The following INTS3 variants were observed in gnomAD, a reference collection of about 807,000 sequenced individuals.
INTS3 encodes the protein SOSS complex subunit A.
INTS3 carries 34 observed loss-of-function variants against 146.3 expected under a neutral mutation model. The observed-to-expected ratio is 0.23, with a 90% CI of 0.18 to 0.31. The LOEUF is 0.31. INTS3 is among the 10% of genes least tolerant of loss of function. The pLI, the probability that INTS3 is intolerant of heterozygous loss-of-function variation, is 1.00. For synonymous variants in INTS3, 475 were observed against 494.9 expected, an observed-to-expected ratio of 0.96 and a Z score of 0.53; for missense variants, 757 against 1,304.2, an observed-to-expected ratio of 0.58 and a Z score of 6.46.
At chr1:153,734,971 T>C (rs1671234950) in intron 1 of INTS3, among the ~76,000 whole-genome samples, 1 of 152,090 alleles carries the variant, frequency 6.6e-6, no homozygotes, top group Non-Finnish European at 1.5e-5. Flanking sequence ...GAATAGTTTT[T>C]GTTTTGTTTT....
chr1:153,759,654 C>G (rs199646184), intron 11 of INTS3, 41 bp downstream of exon 11: 4 of 1,309,404 alleles, frequency 3.1e-6, no homozygotes, highest in Non-Finnish European at 4.4e-6. Context: ...CCCCATCCCC[C>G]TAAGCCCCCA....
intron 15 of INTS3, 67 bp from the exon 16 acceptor site, chr1:153,763,166 T>C (rs1672447650): frequency 6.2e-7 from 1 of 1,600,952 alleles, no homozygotes; most frequent in African/African-American, 1.3e-5. Flanking sequence ...GGATAAGTCA[T>C]TGAGGGGACT....
intron 21 of INTS3, 133 bp downstream of exon 21, chr1:153,767,960 T>A: frequency 2.6e-6 from 2 of 775,624 alleles, no homozygotes; most frequent in Non-Finnish European, 3.8e-6. Flanking sequence ...CTTCCCACAC[T>A]CACAGCTGTC....
rs747959743 is a variant in INTS3, at chr1:153,772,549, C to T, written c.2822-90C>T. 8.1e-6 allele frequency: 13 copies of T among 1,610,690 alleles called. No individual in the cohort carries two copies. In the East Asian group the frequency reaches 1.3e-4, roughly 17 times the overall value. On this transcript the variant is annotated intron_variant, in intron 27 of 29. Coordinates refer to ENST00000318967, the MANE Select transcript of INTS3 (RefSeq NM_023015.5). This position sits in a 1 kb window ranked among gnomAD's most constrained non-coding sequence, Gnocchi z 4.6. Reference sequence around the variant, plus strand: ...AGGACACCCGGGGCCACAACCCACACTCGGGATAAAACAACCTGTGCGTGC... The same window carrying T: ...AGGACACCCGGGGCCACAACCCACATTCGGGATAAAACAACCTGTGCGTGC...
chr1:153,746,402 G>GC (rs1237802663), intron 3 of INTS3, among the ~76,000 whole-genome samples: 1 of 149,142 alleles, frequency 6.7e-6, no homozygotes. Context: ...TCTCTCCCCT[G>GC]CCCCCGAGAC....
intron 1 of INTS3, among the ~76,000 whole-genome samples, chr1:153,736,849 C>CG (rs1570835940): frequency 7.1e-6 from 1 of 141,242 alleles, no homozygotes; most frequent in African/African-American, 2.7e-5. Context: ...CTGCAAGCTT[C>CG]GCCGACCGGG....
intron 3 of INTS3, among the ~76,000 whole-genome samples, chr1:153,742,233 C>T (rs909812364): frequency 2.0e-5 from 3 of 152,174 alleles, no homozygotes; most frequent in Non-Finnish European, 4.4e-5. Flanking sequence ...TTCACAAATT[C>T]TTGGTTTCCC....
intron 21 of INTS3, among the ~76,000 whole-genome samples, chr1:153,768,466 G>T (rs748736288): frequency 6.6e-6 from 1 of 152,180 alleles, no homozygotes; most frequent in Non-Finnish European, 1.5e-5. Context: ...CACACCTCCA[G>T]ACATAAACTC....
Position 153,772,502 on chromosome 1 carries a change from G to A in INTS3, c.2821+62G>A, listed in dbSNP as rs752932507. ...GCTGCCCTGGCCCAGACTATGCCTG[G>A]AGCCAGGCTGGGGGCAGGGGCAGGA... On this transcript the variant is annotated intron_variant, in intron 27 of 29. Coordinates refer to ENST00000318967, the MANE Select transcript of INTS3 (RefSeq NM_023015.5). The surrounding 1 kb of genome is among the most constrained non-coding windows in gnomAD (Gnocchi z 4.6). The A allele has an allele frequency of 3.1e-6, 5 of 1,613,558 alleles. No individual in the cohort carries two copies. The East Asian group carries it at 8.9e-5, about 29-fold the overall frequency.
rs1311630196 is a variant in INTS3, at chr1:153,748,889, G to C, written c.584+134G>C. The C allele has an allele frequency of 1.5e-5, 11 of 750,124 alleles. No homozygotes were observed. In the Admixed American group the frequency reaches 1.9e-4, roughly 13 times the overall value. 46.5% of individuals were successfully genotyped at this position (750,124 alleles called of 1,614,324 possible). On this transcript the variant is annotated intron_variant, in intron 6 of 29. Coordinates refer to ENST00000318967, the MANE Select transcript of INTS3 (RefSeq NM_023015.5). ...AGAGAGGGGGAGGCAAGGAGAGGGA[G>C]AGACAAGTGTATTGTTGGCAAGTGA...
Position 153,757,833 on chromosome 1 carries a change from C to T in INTS3, c.1149+70C>T, listed in dbSNP as rs145073466. 3.2e-4 allele frequency: 447 copies of T among 1,401,534 alleles called. 3 individuals are homozygous for T. In the African/African-American group the frequency reaches 5.7e-3, roughly 18 times the overall value. 86.8% of individuals were successfully genotyped at this position (1,401,534 alleles called of 1,614,324 possible). A position where few individuals can be genotyped will look rare whatever the true frequency, so the allele number is the denominator to read the frequency against. On this transcript the variant is annotated intron_variant, in intron 10 of 29. Coordinates refer to ENST00000318967, the MANE Select transcript of INTS3 (RefSeq NM_023015.5). The surrounding 1 kb of genome is among the most constrained non-coding windows in gnomAD (Gnocchi z 4.0). ...GTGTTCCCATGTTTCCATTCTTCTT[C>T]CTGACTCCAGGGCCACTTGACCCCT...
At chr1:153,771,625 G>A (rs183258804) in intron 25 of INTS3, among the ~76,000 whole-genome samples, 171 bp from the exon 26 acceptor site, 3 of 152,274 alleles carry the variant, frequency 2.0e-5, no homozygotes, top group African/African-American at 4.8e-5. Context: ...CTTCTCTCCT[G>A]GCTTCCACAG....
chr1:153,755,767 A>C (rs1174538737), intron 9 of INTS3, among the ~76,000 whole-genome samples: 2 of 151,854 alleles, frequency 1.3e-5, no homozygotes, highest in African/African-American at 2.4e-5. Flanking sequence ...GGCCGGACGC[A>C]GTGGCTTATG....
At chr1:153,745,239 C>T (rs978309876) in intron 3 of INTS3, among the ~76,000 whole-genome samples, 2 of 151,480 alleles carry the variant, frequency 1.3e-5, no homozygotes, top group African/African-American at 2.4e-5. Flanking sequence ...TAACTGCAAC[C>T]TCCACCTCCT....
At chr1:153,760,555 A>AAGTG in intron 12 of INTS3, 165 bp downstream of exon 12, 1 of 636,322 alleles carries the variant, frequency 1.6e-6, no homozygotes, top group Non-Finnish European at 2.8e-6. Flanking sequence ...TCCATATTCC[A>AAGTG]CTGTCTGCAC....
At chr1:153,769,015 A>C in intron 22 of INTS3, 54 bp downstream of exon 22, 6 of 1,400,524 alleles carry the variant, frequency 4.3e-6, no homozygotes, top group Non-Finnish European at 6.1e-6. Context: ...CATTAGGGAC[A>C]TAGGGCCTCT....
At chr1:153,748,869 G>A in intron 6 of INTS3, 114 bp downstream of exon 6, 2 of 848,926 alleles carry the variant, frequency 2.4e-6, no homozygotes, top group Non-Finnish European at 4.0e-6. Flanking sequence ...AAGTTAGAGA[G>A]GGGGAGGCAA....
At chr1:153,768,857 C>G (rs1255687667) in intron 21 of INTS3, 36 bp from the exon 22 acceptor site, 2 of 1,541,314 alleles carry the variant, frequency 1.3e-6, no homozygotes, top group Non-Finnish European at 1.8e-6. Context: ...GCTGAGGAGC[C>G]CATCCAGGAC....
chr1:153,752,545 C>T, intron 8 of INTS3, 137 bp downstream of exon 8: 1 of 839,318 alleles, frequency 1.2e-6, no homozygotes, highest in East Asian at 2.7e-5. Context: ...ACAGGGCAAG[C>T]TTTGCCAAGT....
Sources: gnomAD v4.1 joint callset for allele counts (sites outside exome capture counted in the v4.1 genomes callset) on GRCh38, gnomAD v4.1.1 for gene constraint, Gnocchi (gnomAD v3.1) non-coding constraint, MANE v1.5 for transcripts, NCBI Gene and HGNC (gene_info 2026-07-23, HGNC 2026-07-21) for gene names.